The following ERP44 variants were observed in gnomAD, a reference collection of about 807,000 sequenced individuals.
ERP44 encodes endoplasmic reticulum resident protein 44.
In ERP44, 25 loss-of-function variants were observed where a neutral mutation model predicts 53.4. That is an observed-to-expected ratio of 0.47 (90% CI 0.34 to 0.65). The LOEUF is 0.65. Ranked by LOEUF, ERP44 falls within the 30% of genes least tolerant of loss-of-function variation. The pLI is 0.01. For synonymous variants in ERP44, 145 were observed against 161.2 expected, an observed-to-expected ratio of 0.90 and a Z score of 0.76; for missense variants, 338 against 493.2, an observed-to-expected ratio of 0.69 and a Z score of 2.98.
intron 10 of ERP44, among the ~76,000 whole-genome samples, chr9:99,992,491 A>T (rs1405624574): frequency 1.3e-5 from 2 of 152,206 alleles, no homozygotes. Flanking sequence ...AACTCTCAAT[A>T]AACTAGGTAT....
chr9:100,098,245 C>A (rs1432837248), intron 1 of ERP44, among the ~76,000 whole-genome samples: 3 of 152,184 alleles, frequency 2.0e-5, no homozygotes, highest in African/African-American at 7.2e-5. Context: ...CACCTTCCAC[C>A]CTTCAAACTC....
intron 4 of ERP44, among the ~76,000 whole-genome samples, chr9:100,038,269 C>T (rs904726964): frequency 1.3e-5 from 2 of 151,808 alleles, no homozygotes; most frequent in African/African-American, 4.8e-5. Context: ...AATTAGGGAC[C>T]AATCAAAAAA....
intron 1 of ERP44, among the ~76,000 whole-genome samples, chr9:100,076,907 G>A (rs1826364259): frequency 6.6e-6 from 1 of 152,234 alleles, no homozygotes; most frequent in South Asian, 2.1e-4. Context: ...CATGGTGGCA[G>A]GGATGGAGGT....
At chr9:100,087,911 C>A (rs1244408557) in intron 1 of ERP44, among the ~76,000 whole-genome samples, 3 of 152,102 alleles carry the variant, frequency 2.0e-5, no homozygotes, top group African/African-American at 7.2e-5. Flanking sequence ...TTTTTTTCTT[C>A]ATTATGCTTT....
In ERP44 at chr9:100,071,171, T is replaced by C. The variant is rs545266785; in HGVS notation, c.58-10999A>G. 1.2e-3 allele frequency among the ~76,000 whole-genome samples: 178 copies of C among 146,758 alleles called. 2 individuals are homozygous for C. The highest frequency in any genetic ancestry group is 4.4e-3 in the African/African-American group (174 of 39,780). On this transcript the variant is annotated intron_variant, in intron 1 of 11. Coordinates refer to ENST00000262455, the MANE Select transcript of ERP44 (RefSeq NM_015051.3). ...GTGCAGTGGCATGATCTCGGCTCAC[T>C]GCGACCTCCACCTCCTGGGCTCTAG...
At chr9:100,073,267 T>C (rs989193078) in intron 1 of ERP44, among the ~76,000 whole-genome samples, 1 of 151,992 alleles carries the variant, frequency 6.6e-6, no homozygotes, top group Non-Finnish European at 1.5e-5. Context: ...CATGATCAAG[T>C]TTTTTTTAAA....
intron 1 of ERP44, among the ~76,000 whole-genome samples, chr9:100,094,716 C>T (rs1239702624): frequency 9.2e-5 from 14 of 151,890 alleles, no homozygotes; most frequent in Non-Finnish European, 2.9e-5. Flanking sequence ...TTCCTATAAT[C>T]CTAACACTTT....
chr9:100,055,891 G>A (rs2118712001), intron 3 of ERP44, among the ~76,000 whole-genome samples: 1 of 152,290 alleles, frequency 6.6e-6, no homozygotes, highest in East Asian at 1.9e-4. Flanking sequence ...ATAACTTCCA[G>A]AATGAACTCA....
intron 4 of ERP44, among the ~76,000 whole-genome samples, chr9:100,023,360 A>G (rs965081021): frequency 6.6e-6 from 1 of 151,170 alleles, no homozygotes; most frequent in Non-Finnish European, 1.5e-5. Context: ...CAAAGACTTG[A>G]GCTTATCCTA....
At chr9:100,029,011 A>G (rs1825742029) in intron 4 of ERP44, among the ~76,000 whole-genome samples, 1 of 152,204 alleles carries the variant, frequency 6.6e-6, no homozygotes, top group Non-Finnish European at 1.5e-5. Context: ...CCTATCTCTC[A>G]CCATAAACAA....
rs987447382 is a variant in ERP44 at position 99,981,115 on chromosome 9, A to T, written c.*1497T>A. On this transcript the variant is annotated 3_prime_UTR_variant, in exon 12 of 12. Transcript: ENST00000262455. ...TCATTTAACTTATTGGTTAAAAGCA[A>T]TGAGGATAACAGAACTAAGGCCCAA... is the stretch of plus-strand genomic sequence containing the variant. The T allele has an allele frequency of 1.8e-3, 268 of 152,288 alleles. 2 individuals carry two copies. The highest frequency in any genetic ancestry group is 6.1e-3 in the African/African-American group (253 of 41,558). The allele number at this position is 152,288 out of a possible 1,614,324, so 9.4% of individuals were successfully genotyped here. A position where few individuals can be genotyped will look rare whatever the true frequency, so the allele number is the denominator to read the frequency against.
At chr9:99,995,396 C>T (rs1258299809) in intron 10 of ERP44, among the ~76,000 whole-genome samples, 1 of 152,166 alleles carries the variant, frequency 6.6e-6, no homozygotes, top group African/African-American at 2.4e-5. Flanking sequence ...GATTGAACAT[C>T]TTTGCCTAGT....
chr9:100,071,712 G>C (rs1307651786), intron 1 of ERP44, among the ~76,000 whole-genome samples: 1 of 152,256 alleles, frequency 6.6e-6, no homozygotes, highest in East Asian at 1.9e-4. Context: ...ATGAGGTCAG[G>C]AGTTTGAGAG....
At chr9:100,077,668 G>A (rs1380461907) in intron 1 of ERP44, among the ~76,000 whole-genome samples, 1 of 152,204 alleles carries the variant, frequency 6.6e-6, no homozygotes, top group Non-Finnish European at 1.5e-5. Flanking sequence ...CCATTAAACT[G>A]GAAGTTCAGG....
intron 1 of ERP44, among the ~76,000 whole-genome samples, chr9:100,091,200 T>G (rs150989022): frequency 6.6e-6 from 1 of 152,350 alleles, no homozygotes; most frequent in East Asian, 1.9e-4. Context: ...TTCTACATAA[T>G]GATGAAATCT....
At chr9:99,990,565 A>G (rs10988935) in intron 10 of ERP44, among the ~76,000 whole-genome samples, 30,781 of 152,044 alleles carry the variant, frequency 0.2, 5,188 homozygotes, top group African/African-American at 0.47. Flanking sequence ...AAAACATGCC[A>G]AAGTGTAAAG....
chr9:100,084,370 G>A (rs1488816052), intron 1 of ERP44, among the ~76,000 whole-genome samples: 1 of 152,078 alleles, frequency 6.6e-6, no homozygotes, highest in Non-Finnish European at 1.5e-5. Flanking sequence ...TATGCACAAG[G>A]GCATTAACAA....
At position 99,982,466 on chromosome 9, in the gene ERP44, C is replaced by T. The variant is rs1384666393; in HGVS notation, c.*146G>A. ...TATTAAATGACAATGCATTTTGAGTCGGGGAGAAAAAAATTAAAAACCCAA... is the reference window on the plus strand; with the variant it reads ...TATTAAATGACAATGCATTTTGAGTTGGGGAGAAAAAAATTAAAAACCCAA... On this transcript the variant is annotated 3_prime_UTR_variant, in exon 12 of 12. Coordinates refer to ENST00000262455, the MANE Select transcript of ERP44 (RefSeq NM_015051.3). 13 of 345,766 alleles carry T rather than the reference C, an allele frequency of 3.8e-5. No homozygotes were observed. Among genetic ancestry groups the T allele is most frequent in the Non-Finnish European group, 4.6e-5 (9 of 196,498 alleles). 21.4% of individuals were successfully genotyped at this position (345,766 alleles called of 1,614,324 possible).
intron 1 of ERP44, among the ~76,000 whole-genome samples, chr9:100,066,165 G>A (rs779319585): frequency 2.6e-5 from 4 of 152,160 alleles, no homozygotes; most frequent in Non-Finnish European, 5.9e-5. Context: ...AGGAGCAAGC[G>A]TGTAAATTCA....
Sources: gnomAD v4.1 joint callset for allele counts (sites outside exome capture counted in the v4.1 genomes callset) on GRCh38, gnomAD v4.1.1 for gene constraint, MANE v1.5 for transcripts, NCBI Gene and HGNC (gene_info 2026-07-23, HGNC 2026-07-21) for gene names.